Variants in PDE7A observed in about 807,000 individuals in gnomAD.
PDE7A encodes phosphodiesterase 7A, also known as high affinity 3',5'-cyclic-AMP phosphodiesterase 7A.
A neutral mutation model predicts 64.3 loss-of-function variants in PDE7A; 39 were observed. That is an observed-to-expected ratio of 0.61 (90% CI 0.47 to 0.79). The LOEUF (loss-of-function observed/expected upper bound fraction) is 0.79. Ranked by LOEUF, PDE7A falls within the 30% of genes least tolerant of loss-of-function variation. The pLI is 0.00. For missense variants in PDE7A, 470 were observed against 582.8 expected (o/e 0.81, Z 1.99); for synonymous variants, 203 against 206.8 (o/e 0.98, Z 0.16).
At chr8:65,811,870 T>G (rs886202708) in intron 1 of PDE7A, among the ~76,000 whole-genome samples, 1 of 152,146 alleles carries the variant, frequency 6.6e-6, no homozygotes, top group Non-Finnish European at 1.5e-5. Flanking sequence ...TTAGTTTAAA[T>G]GGTTTGATAC....
At position 65,833,402 on chromosome 8, in the gene PDE7A, A is replaced by G. The variant is rs117306217; in HGVS notation, c.138+7969T>C. On this transcript the variant is annotated intron_variant, in intron 1 of 12. Coordinates refer to ENST00000401827, the MANE Select transcript of PDE7A (RefSeq NM_001242318.3). Reference sequence around the variant, plus strand: ...ATGAAAGTTATTACTTCAAATAACTACATCAAATAATCAGTCAAATGTGTT... The same window carrying G: ...ATGAAAGTTATTACTTCAAATAACTGCATCAAATAATCAGTCAAATGTGTT... 7.6e-3 allele frequency among the ~76,000 whole-genome samples: 1,162 copies of G among 152,344 alleles called. 11 individuals carry two copies. The highest frequency in any genetic ancestry group is 8.7e-3 in the Non-Finnish European group (594 of 68,026).
At chr8:65,829,213 C>T (rs1275675237) in intron 1 of PDE7A, among the ~76,000 whole-genome samples, 1 of 152,052 alleles carries the variant, frequency 6.6e-6, no homozygotes, top group Non-Finnish European at 1.5e-5. Flanking sequence ...GTGAAAATGG[C>T]TTCATTCATA....
chr8:65,798,153 G>C (rs1261432374), intron 1 of PDE7A, among the ~76,000 whole-genome samples: 1 of 141,092 alleles, frequency 7.1e-6, no homozygotes, highest in Non-Finnish European at 1.5e-5. Context: ...TTAGTATCCA[G>C]AAATATATAC....
At chr8:65,770,229 G>T (rs2128920138) in intron 3 of PDE7A, among the ~76,000 whole-genome samples, 1 of 151,748 alleles carries the variant, frequency 6.6e-6, no homozygotes, top group East Asian at 1.9e-4. Flanking sequence ...CTTCACCTCT[G>T]TATTAGTCTG....
intron 2 of PDE7A, among the ~76,000 whole-genome samples, chr8:65,782,026 AG>A (rs1001710240): frequency 3.5e-4 from 53 of 152,232 alleles, no homozygotes; most frequent in African/African-American, 1.3e-3. Flanking sequence ...AAGTATGAAA[AG>A]GAATTAGTGA....
chr8:65,774,662 TAA>T (rs1362412294), intron 3 of PDE7A, among the ~76,000 whole-genome samples: 2 of 151,586 alleles, frequency 1.3e-5, no homozygotes, highest in Non-Finnish European at 2.9e-5. Flanking sequence ...TAAAAATATA[TAA>T]AACAAAATTT....
intron 3 of PDE7A, among the ~76,000 whole-genome samples, chr8:65,759,844 C>G (rs113358833): frequency 6.3e-4 from 96 of 152,256 alleles, no homozygotes; most frequent in African/African-American, 2.0e-3. Flanking sequence ...GTTAACACCC[C>G]ACCCTGGTAC....
Position 65,715,872 on chromosome 8 carries a change from C to T in PDE7A, c.*3418G>A, listed in dbSNP as rs959628661. 4.7e-5 allele frequency among the ~76,000 whole-genome samples: 7 copies of T among 150,162 alleles called. No homozygotes were observed. Among genetic ancestry groups the T allele is most frequent in the Admixed American group, 1.3e-4 (2 of 15,164 alleles). ...GCCTGGTGGCGGGCGCCTGTAGTCC[C>T]AGCGACCTGGGAGACTGAGGCAGGA... On this transcript the variant is annotated 3_prime_UTR_variant, in exon 13 of 13. Coordinates refer to ENST00000401827, the MANE Select transcript of PDE7A (RefSeq NM_001242318.3).
intron 7 of PDE7A, among the ~76,000 whole-genome samples, chr8:65,734,405 C>T (rs1052510427): frequency 1.8e-4 from 27 of 152,210 alleles, no homozygotes; most frequent in African/African-American, 6.0e-4. Flanking sequence ...GGTCTTGATA[C>T]GATTTATCTT....
intron 12 of PDE7A, chr8:65,721,849 C>T (rs1563468571): frequency 2.8e-5 from 4 of 144,740 alleles, no homozygotes. Flanking sequence ...CATTCTGTCA[C>T]CCAGGCTGGA....
chr8:65,751,771 C>T (rs139395733), intron 3 of PDE7A, among the ~76,000 whole-genome samples: 2,122 of 152,214 alleles, frequency 0.014, 52 homozygotes, highest in African/African-American at 0.048. Flanking sequence ...GGATTACAGG[C>T]GTGAGCCACT....
intron 3 of PDE7A, among the ~76,000 whole-genome samples, chr8:65,755,666 T>C (rs1808199662): frequency 6.6e-6 from 1 of 152,250 alleles, no homozygotes; most frequent in South Asian, 2.1e-4. Flanking sequence ...AAACCAAAAA[T>C]ATAACACTGG....
chr8:65,779,014 T>C (rs947748609), intron 3 of PDE7A, among the ~76,000 whole-genome samples: 1 of 152,220 alleles, frequency 6.6e-6, no homozygotes, highest in Non-Finnish European at 1.5e-5. Flanking sequence ...CCAGAATCAG[T>C]ACATGCTATT....
intron 1 of PDE7A, among the ~76,000 whole-genome samples, chr8:65,836,315 A>C (rs900671498): frequency 1.3e-5 from 2 of 152,362 alleles, no homozygotes; most frequent in South Asian, 4.1e-4. Context: ...AAAAGAGCAA[A>C]TACAAATAGC....
chr8:65,834,429 A>T (rs1810904879), intron 1 of PDE7A, among the ~76,000 whole-genome samples: 1 of 152,136 alleles, frequency 6.6e-6, no homozygotes, highest in Admixed American at 6.5e-5. Context: ...GTTTTTGAGG[A>T]GTCAAAAGTT....
intron 7 of PDE7A, among the ~76,000 whole-genome samples, chr8:65,731,052 G>A (rs1340560306): frequency 6.6e-6 from 1 of 152,178 alleles, no homozygotes; most frequent in Admixed American, 6.5e-5. Flanking sequence ...CCATGTGCTG[G>A]TGCTGTTTTA....
chr8:65,798,743 A>C (rs1444308592), intron 1 of PDE7A, among the ~76,000 whole-genome samples: 3 of 152,228 alleles, frequency 2.0e-5, no homozygotes, highest in Non-Finnish European at 4.4e-5. Context: ...GATGTGGAGC[A>C]ATTAGAACGC....
intron 12 of PDE7A, chr8:65,722,779 G>A (rs1806439139): frequency 6.6e-6 from 1 of 152,218 alleles, no homozygotes; most frequent in African/African-American, 2.4e-5. Flanking sequence ...GTGGTGCTAG[G>A]CTCCAGGAAT....
At chr8:65,759,532 G>A (rs1243114743) in intron 3 of PDE7A, among the ~76,000 whole-genome samples, 1 of 152,202 alleles carries the variant, frequency 6.6e-6, no homozygotes, top group Non-Finnish European at 1.5e-5. Flanking sequence ...CCAAAAAACA[G>A]TGGCCTCTCC....
Sources: gnomAD v4.1 joint callset for allele counts (sites outside exome capture counted in the v4.1 genomes callset) on GRCh38, gnomAD v4.1.1 for gene constraint, MANE v1.5 for transcripts, NCBI Gene and HGNC (gene_info 2026-07-23, HGNC 2026-07-21) for gene names.